Variants in POMC observed in about 807,000 individuals in gnomAD.
POMC encodes the protein pro-opiomelanocortin.
In POMC, 19 loss-of-function variants were observed where a neutral mutation model predicts 18.5. The observed-to-expected ratio is 1.03, with a 90% confidence interval of 0.72 to 1.51. The LOEUF (loss-of-function observed/expected upper bound fraction) is 1.51. Among genes scored for constraint, POMC ranks in the 40% most tolerant of loss-of-function variants. The pLI, the probability that POMC is intolerant of heterozygous loss-of-function variation, is 0.00. For missense variants in POMC, 451 were observed against 379.0 expected (o/e 1.19, Z -1.58); for synonymous variants, 179 against 161.9 (o/e 1.11, Z -0.80).
chr2:25,161,267 C>T lies in POMC; in HGVS notation c.618G>A (p.Glu206=), dbSNP rs139540760. The stretch of plus-strand genomic sequence containing the variant: ...TCTCGGCCGCCACCAGCAGGCTGTG[C>T]TCCAGGTCGGCCTGGGCCCCTGCGC... ...DDGAGAQADL[E]HSLLVAAEKK... is the part of the protein sequence containing the mutation. Residue 206 remains glutamate, a synonymous_variant, in exon 3 of 3, where the codon GAG becomes GAA. Transcript: ENST00000395826. This position sits in a 1 kb window ranked among gnomAD's most constrained non-coding sequence, Gnocchi z 5.7. 123 of 1,612,000 alleles carry T rather than the reference C, an allele frequency of 7.6e-5. No homozygotes were observed. Among genetic ancestry groups the T allele is most frequent in the Non-Finnish European group, 1.0e-4 (120 of 1,179,126 alleles).
intron 2 of POMC, among the ~76,000 whole-genome samples, chr2:25,162,841 A>G (rs1234218120): frequency 6.6e-6 from 1 of 152,202 alleles, no homozygotes; most frequent in African/African-American, 2.4e-5. Flanking sequence ...TGGTTCTTTC[A>G]CGACTTCTGA....
At position 25,161,625 on chromosome 2, in the gene POMC, A is replaced by C; in HGVS notation, c.260T>G (p.Phe87Cys). ...YVMGHFRWDRFGRRNSSSSGS... is the reference protein window; with the variant it reads ...YVMGHFRWDRCGRRNSSSSGS... ...GCTGCTGCTGCTGTTGCGGCGGCCG[A>C]ATCGGTCCCAGCGGAAGTGGCCCAT... Residue 87 changes from phenylalanine to cysteine, a missense_variant, in exon 3 of 3, where the codon TTC (phenylalanine) becomes TGC (cysteine). Physicochemically the swap from Phe to Cys is radical, Grantham distance 205 (BLOSUM62 -2). Coordinates refer to ENST00000395826, the MANE Select transcript of POMC (RefSeq NM_000939.4). The surrounding 1 kb of genome is among the most constrained non-coding windows in gnomAD (Gnocchi z 5.7). 1 of 1,550,954 alleles carries C rather than the reference A, an allele frequency of 6.4e-7. No individual in the cohort carries two copies.
Position 25,168,075 on chromosome 2 carries a change from A to G in POMC, c.-21+423T>C, listed in dbSNP as rs1218245297. On this transcript the variant is annotated intron_variant, in intron 1 of 2. Transcript: ENST00000395826. The surrounding 1 kb of genome is among the most constrained non-coding windows in gnomAD (Gnocchi z 5.2). The stretch of plus-strand genomic sequence containing the variant: ...AGGCTGAAGCAGGAGAATCGCTTGA[A>G]CCCGGGAGGCGAAGGTTGCGGTGAG... Among the ~76,000 whole-genome samples the G allele has an allele frequency of 6.7e-6, 1 of 149,278 alleles. No homozygotes were observed. Among genetic ancestry groups the G allele is most frequent in the African/African-American group, 2.5e-5 (1 of 40,226 alleles).
chr2:25,162,274 A>C (rs1671418857), intron 2 of POMC, among the ~76,000 whole-genome samples: 1 of 152,064 alleles, frequency 6.6e-6, no homozygotes, highest in African/African-American at 2.4e-5. Flanking sequence ...CTATGGTGAA[A>C]TACCATCTCT....
intron 1 of POMC, 37 bp from the exon 2 acceptor site, chr2:25,164,829 G>A: frequency 3.7e-6 from 6 of 1,609,442 alleles, no homozygotes; most frequent in Non-Finnish European, 5.1e-6. Flanking sequence ...ACCCCTGCAA[G>A]GAGCAAAACA....
Position 25,161,798 on chromosome 2 carries a change from CCG to C in POMC, c.133-48_133-47del. Reference sequence around the variant, plus strand: ...ATGAGGGCAGCCCGTGCCCCGCACCCCGGCCCGGCTGCCGCGCCCGTCACTGC... The same window carrying C: ...ATGAGGGCAGCCCGTGCCCCGCACCCGCCCGGCTGCCGCGCCCGTCACTGC... On this transcript the variant is annotated intron_variant, in intron 2 of 2. Transcript: ENST00000395826. This position sits in a 1 kb window ranked among gnomAD's most constrained non-coding sequence, Gnocchi z 5.7. The C allele has an allele frequency of 6.5e-7, 1 of 1,540,470 alleles. No homozygotes were observed. Among genetic ancestry groups the C allele is most frequent in the Non-Finnish European group, 8.7e-7 (1 of 1,144,994 alleles).
chr2:25,165,964 G>A (rs929522791), intron 1 of POMC, among the ~76,000 whole-genome samples: 2 of 152,248 alleles, frequency 1.3e-5, no homozygotes, highest in Admixed American at 6.5e-5. Context: ...GGATGACTAA[G>A]TGTCTTGTCA....
chr2:25,161,422 G>T lies in POMC; in HGVS notation c.463C>A (p.Arg155Ser). The change falls in exon 3 of 3, where the codon CGC becomes AGC. Residue 155 changes from arginine (R) to serine (S), a missense_variant. Transcript: ENST00000395826. This position sits in a 1 kb window ranked among gnomAD's most constrained non-coding sequence, Gnocchi z 5.7. ...CCGTTAGGGTACACCTTCACTGGGC[G>T]CCGCTTCTTGCCCACCGGCTTGCCC... is the stretch of plus-strand genomic sequence containing the variant. ...RWGKPVGKKR[R>S]PVKVYPNGAE... 1.9e-6 allele frequency: 3 copies of T among 1,609,672 alleles called. No homozygotes were observed. Among genetic ancestry groups the T allele is most frequent in the Non-Finnish European group, 2.5e-6 (3 of 1,178,836 alleles).
Position 25,161,575 on chromosome 2 carries a change from G to C in POMC, c.310C>G (p.Arg104Gly), listed in dbSNP as rs779649508. Residue 104 changes from arginine (R) to glycine (G), a missense_variant, in exon 3 of 3, where the codon CGC becomes GGC. Transcript: ENST00000395826. This position sits in a 1 kb window ranked among gnomAD's most constrained non-coding sequence, Gnocchi z 5.7. ...SSGSSGAGQK[R>G]EDVSAGEDCG... ...TCTTCGCCCGCTGAGACGTCCTCGC[G>C]CTTCTGCCCTGCGCCGCTGCTGCCG... is the stretch of plus-strand genomic sequence containing the variant. 6.5e-7 allele frequency: 1 copy of C among 1,547,450 alleles called. No individual in the cohort carries two copies. The highest frequency in any genetic ancestry group is 8.7e-7 in the Non-Finnish European group (1 of 1,147,332).
chr2:25,161,040 G>T lies in POMC; in HGVS notation c.*41C>A. 6.2e-7 allele frequency: 1 copy of T among 1,613,178 alleles called. No individual in the cohort carries two copies. On this transcript the variant is annotated 3_prime_UTR_variant, in exon 3 of 3. Transcript: ENST00000395826. The surrounding 1 kb of genome is among the most constrained non-coding windows in gnomAD (Gnocchi z 5.7). ...GGGGAGAGCAAGGGGCTTTGGGGTCGACCTCCTGGGGGAGGGTAGCCCTGG... is the reference window on the plus strand; with the variant it reads ...GGGGAGAGCAAGGGGCTTTGGGGTCTACCTCCTGGGGGAGGGTAGCCCTGG...
chr2:25,162,760 T>C (rs1440087023), intron 2 of POMC, among the ~76,000 whole-genome samples: 1 of 152,174 alleles, frequency 6.6e-6, no homozygotes, highest in East Asian at 1.9e-4. Context: ...CAACCTTACC[T>C]CAGTGATGAA....
Position 25,161,675 on chromosome 2 carries a change from C to T in POMC, c.210G>A (p.Leu70=). 1 of 1,568,228 alleles carries T rather than the reference C, an allele frequency of 6.4e-7. No individual in the cohort carries two copies. The highest frequency in any genetic ancestry group is 8.6e-7 in the Non-Finnish European group (1 of 1,157,660). Residue 70 remains leucine, a synonymous_variant, in exon 3 of 3, where the codon CTG becomes CTA. Transcript: ENST00000395826. This position sits in a 1 kb window ranked among gnomAD's most constrained non-coding sequence, Gnocchi z 5.7. ...TGACGTACTTCCGGGGGTTCTCGGTCAGAGGCTGCTCGTCGCCATTTCCCG... is the reference window on the plus strand; with the variant it reads ...TGACGTACTTCCGGGGGTTCTCGGTTAGAGGCTGCTCGTCGCCATTTCCCG... ...MFPGNGDEQP[L]TENPRKYVMG...
chr2:25,166,715 C>T (rs1671568945), intron 1 of POMC, among the ~76,000 whole-genome samples: 1 of 152,182 alleles, frequency 6.6e-6, no homozygotes, highest in Non-Finnish European at 1.5e-5. Flanking sequence ...CATATTCACT[C>T]CCACCCTCTC....
chr2:25,162,256 C>G (rs1671418494), intron 2 of POMC, among the ~76,000 whole-genome samples: 1 of 152,088 alleles, frequency 6.6e-6, no homozygotes, highest in South Asian at 2.1e-4. Context: ...CAAGACCAGC[C>G]TGGCCAACTA....
rs368929210 is a variant in POMC at position 25,162,712 on chromosome 2, AAAAT to A, written c.133-964_133-961del. Among the ~76,000 whole-genome samples the A allele has an allele frequency of 1.7e-3, 255 of 152,324 alleles. 1 individual carries two copies. Among genetic ancestry groups the A allele is most frequent in the African/African-American group, 5.0e-3 (209 of 41,568 alleles). ...TGATAGAGCGAGACTCCGTCTCAAA[AAAAT>A]AAATAAATAAACAAAAAATAAAAAA... On this transcript the variant is annotated intron_variant, in intron 2 of 2. Transcript: ENST00000395826.
In POMC at chr2:25,167,689, A is replaced by G. The variant is rs1212093562; in HGVS notation, c.-21+809T>C. ...TCGGGTGCGCTAAGGTGGGCAAGGA[A>G]ACAAGGATTCAGGGGTCTGAATCCG... is the stretch of plus-strand genomic sequence containing the variant. On this transcript the variant is annotated intron_variant, in intron 1 of 2. Coordinates refer to ENST00000395826, the MANE Select transcript of POMC (RefSeq NM_000939.4). Among the ~76,000 whole-genome samples the G allele has an allele frequency of 2.0e-5, 3 of 152,326 alleles. No homozygotes were observed. The East Asian group carries it at 5.8e-4, about 29-fold the overall frequency.
rs1446711188 is a variant in POMC at position 25,161,410 on chromosome 2, C to T, written c.475G>A (p.Val159Met). The change falls in exon 3 of 3, where the codon GTG becomes ATG. Residue 159 changes from valine (V) to methionine (M), a missense_variant. Transcript: ENST00000395826. This position sits in a 1 kb window ranked among gnomAD's most constrained non-coding sequence, Gnocchi z 5.7. Reference sequence around the variant, plus strand: ...TCGTCCTCGGCGCCGTTAGGGTACACCTTCACTGGGCGCCGCTTCTTGCCC... The same window carrying T: ...TCGTCCTCGGCGCCGTTAGGGTACATCTTCACTGGGCGCCGCTTCTTGCCC... ...PVGKKRRPVK[V>M]YPNGAEDESA... 2 of 1,609,772 alleles carry T rather than the reference C, an allele frequency of 1.2e-6. No individual in the cohort carries two copies. Among genetic ancestry groups the T allele is most frequent in the Non-Finnish European group, 8.5e-7 (1 of 1,178,734 alleles).
At position 25,166,851 on chromosome 2, in the gene POMC, G is replaced by A. The variant is rs1462013031; in HGVS notation, c.-21+1647C>T. Among the ~76,000 whole-genome samples, 3 of 152,206 alleles carry A rather than the reference G, an allele frequency of 2.0e-5. No individual in the cohort carries two copies. In the East Asian group the frequency reaches 5.8e-4, roughly 29 times the overall value. ...CTTATGTGTATGTGTATTTGCTTAT[G>A]TGTATTTTCAGTTCTCTACAATGAA... On this transcript the variant is annotated intron_variant, in intron 1 of 2. Coordinates refer to ENST00000395826, the MANE Select transcript of POMC (RefSeq NM_000939.4).
rs771482973 is a variant in POMC, at chr2:25,161,047, T to C, written c.*34A>G. ...GCAAGGGGCTTTGGGGTCGACCTCC[T>C]GGGGGAGGGTAGCCCTGGGGCCCCG... On this transcript the variant is annotated 3_prime_UTR_variant, in exon 3 of 3. Transcript: ENST00000395826. The surrounding 1 kb of genome is among the most constrained non-coding windows in gnomAD (Gnocchi z 5.7). 1.9e-6 allele frequency: 3 copies of C among 1,613,476 alleles called. No homozygotes were observed. Among genetic ancestry groups the C allele is most frequent in the Admixed American group, 1.7e-5 (1 of 59,972 alleles).
Sources: allele counts gnomAD v4.1 joint callset (sites outside exome capture counted in the v4.1 genomes callset), GRCh38; gene constraint gnomAD v4.1.1; non-coding constraint Gnocchi (gnomAD v3.1); transcripts MANE v1.5; gene names NCBI Gene and HGNC (gene_info 2026-07-23, HGNC 2026-07-21).